The following LGALS9B variants were observed in gnomAD, a reference collection of about 807,000 sequenced individuals.
LGALS9B encodes galectin 9B, also known as galectin-9B.
A neutral mutation model predicts 35.9 loss-of-function variants in LGALS9B; 8 were observed. The observed-to-expected ratio is 0.22, with a 90% CI of 0.13 to 0.40. The LOEUF is 0.40. Ranked by LOEUF, LGALS9B falls within the 10% of genes least tolerant of loss-of-function variation. The pLI is 1.00. For synonymous variants in LGALS9B, 42 were observed against 148.6 expected (o/e 0.28, Z 5.22); for missense variants, 101 against 397.9 (o/e 0.25, Z 6.35).
At chr17:20,464,496 CT>C in intron 1 of LGALS9B, among the ~76,000 whole-genome samples, 1 of 152,246 alleles carries the variant, frequency 6.6e-6, no homozygotes, top group African/African-American at 2.4e-5. Flanking sequence ...AGATTCTCCC[CT>C]GGAGCCTCCG....
intron 2 of LGALS9B, 33 bp downstream of exon 2, chr17:20,460,315 AGGCT>A: frequency 1.9e-6 from 3 of 1,610,152 alleles, no homozygotes; most frequent in Non-Finnish European, 2.5e-6. Context: ...CTAAGGGACG[AGGCT>A]GGAGTGAAAC....
intron 10 of LGALS9B, among the ~76,000 whole-genome samples, chr17:20,450,778 T>G (rs2142407374): frequency 6.9e-6 from 1 of 145,828 alleles, no homozygotes; most frequent in East Asian, 2.0e-4. Context: ...TCAGGCATAT[T>G]TTAAAAATAC....
chr17:20,451,877 G>T lies in LGALS9B; in HGVS notation c.679C>A (p.Pro227Thr). 7.0e-7 allele frequency: 1 copy of T among 1,426,696 alleles called. No individual in the cohort carries two copies. Among genetic ancestry groups the T allele is most frequent in the South Asian group, 1.2e-5 (1 of 86,568 alleles). 88.4% of individuals were successfully genotyped at this position (1,426,696 alleles called of 1,614,324 possible). ...CCTCCCGGAATGGTGGTGATGAAAG[G>T]CATCGGCTGTCAGAAGGACGGGGAC... ...MMYPHPAYPM[P>T]FITTIPGGLY... The change falls in exon 9 of 11, where the codon CCT (proline) becomes ACT (threonine). Residue 227 changes from proline to threonine, a missense_variant. By Grantham distance (38) the Pro-to-Thr change is conservative (BLOSUM62 -1). Transcript: ENST00000423676.
intron 1 of LGALS9B, among the ~76,000 whole-genome samples, chr17:20,464,523 G>C (rs1482702586): frequency 6.6e-6 from 1 of 152,142 alleles, no homozygotes; most frequent in Non-Finnish European, 1.5e-5. Flanking sequence ...AAACAACCTT[G>C]CTCACACGAT....
At chr17:20,458,606 T>C (rs1682203) in intron 2 of LGALS9B, among the ~76,000 whole-genome samples, 43,688 of 145,506 alleles carry the variant, frequency 0.3, 7,642 homozygotes, top group Middle Eastern at 0.42. Flanking sequence ...TTTCTAAACA[T>C]AAGTAGAAAA....
intron 1 of LGALS9B, among the ~76,000 whole-genome samples, chr17:20,460,904 C>A (rs1218812456): frequency 6.7e-6 from 1 of 148,864 alleles, no homozygotes; most frequent in Non-Finnish European, 1.5e-5. Context: ...CCCAAGGGAA[C>A]AAAGGGACCC....
intron 1 of LGALS9B, among the ~76,000 whole-genome samples, chr17:20,466,042 C>A (rs1475509615): frequency 6.6e-6 from 1 of 151,684 alleles, no homozygotes; most frequent in African/African-American, 2.4e-5. Context: ...AAAGTAAAAA[C>A]CAGTTACCAG....
chr17:20,454,547 T>G lies in LGALS9B; in HGVS notation c.540+756A>C, dbSNP rs1309886169. ...TGGGCATAGGGAGATGGGGGTGGAG[T>G]GACAGGGACAGACACGCAAACAGTT... On this transcript the variant is annotated intron_variant, in intron 5 of 10. Transcript: ENST00000423676. Among the ~76,000 whole-genome samples the G allele has an allele frequency of 7.6e-5, 11 of 144,298 alleles. No homozygotes were observed. The East Asian group carries it at 2.3e-3, about 30-fold the overall frequency. The allele number at this position is 144,298 out of a possible 152,430, so 94.7% of individuals were successfully genotyped here.
At chr17:20,464,179 C>G (rs2042745824) in intron 1 of LGALS9B, among the ~76,000 whole-genome samples, 1 of 148,056 alleles carries the variant, frequency 6.8e-6, no homozygotes, top group African/African-American at 2.5e-5. Context: ...CTCACTGCAG[C>G]CTCCACTTCC....
At position 20,467,334 on chromosome 17, in the gene LGALS9B, CA is replaced by C. The variant is rs1256651881; in HGVS notation, c.39+97del. 12 of 1,114,642 alleles carry C rather than the reference CA, an allele frequency of 1.1e-5. No homozygotes were observed. The African/African-American group carries it at 1.5e-4, about 14-fold the overall frequency. The allele number at this position is 1,114,642 out of a possible 1,614,324, so 69.0% of individuals were successfully genotyped here. ...GCTTGTGTTCTCTTTGGGATGCCCC[CA>C]CCCCTGTCTCCTGCCACCCAGGAGT... On this transcript the variant is annotated intron_variant, in intron 1 of 10. Transcript: ENST00000423676.
chr17:20,456,096 T>A (rs1388251961), intron 4 of LGALS9B, among the ~76,000 whole-genome samples: 1 of 151,658 alleles, frequency 6.6e-6, no homozygotes, highest in Non-Finnish European at 1.5e-5. Flanking sequence ...CGCCATTGTG[T>A]GACCTCTGAT....
chr17:20,455,406 A>G lies in LGALS9B; in HGVS notation c.445-8T>C, dbSNP rs748006399. On this transcript the variant is annotated splice_region_variant and splice_polypyrimidine_tract_variant and intron_variant, in intron 4 of 10. Coordinates refer to ENST00000423676, the MANE Select transcript of LGALS9B (RefSeq NM_001367292.2). ...GGGGACTGTGCGGGGATTCTGTTAA[A>G]ACAAAAGGCACCGGCCGGTGAGGAG... 1.0e-5 allele frequency: 14 copies of G among 1,355,558 alleles called. 3 individuals are homozygous for G. The highest frequency in any genetic ancestry group is 3.9e-5 in the Admixed American group (2 of 51,468). 84.0% of individuals were successfully genotyped at this position (1,355,558 alleles called of 1,614,324 possible).
chr17:20,460,260 T>C, intron 2 of LGALS9B, 92 bp downstream of exon 2: 1 of 1,606,704 alleles, frequency 6.2e-7, no homozygotes, highest in South Asian at 1.1e-5. Context: ...TGAGCTTGGA[T>C]GTTGTTGTTT....
At position 20,458,264 on chromosome 17, in the gene LGALS9B, G is replaced by A. The variant is rs200802633; in HGVS notation, c.252C>T (p.Pro84=). 7.6e-4 allele frequency: 1,227 copies of A among 1,613,906 alleles called. 3 individuals are homozygous for A. Among genetic ancestry groups the A allele is most frequent in the Non-Finnish European group, 9.8e-4 (1,159 of 1,179,938 alleles). The change falls in exon 3 of 11, where the codon CCC becomes CCT. Residue 84 remains proline (P), a synonymous_variant. Transcript: ENST00000423676. ...CNTRQKGRWG[P]EERKMHMPFQ... ...AGGGCATGTGCATCTTCCTCTCCTC[G>A]GGCCCCCATCTTCCTTTCTGCCTCG...
Position 20,449,884 on chromosome 17 carries a change from T to C in LGALS9B, c.*89A>G. 1.2e-6 allele frequency: 1 copy of C among 817,912 alleles called. No individual in the cohort carries two copies. Among genetic ancestry groups the C allele is most frequent in the Non-Finnish European group, 1.9e-6 (1 of 530,544 alleles). 50.7% of individuals were successfully genotyped at this position (817,912 alleles called of 1,614,324 possible). A position where few individuals can be genotyped will look rare whatever the true frequency, so the allele number is the denominator to read the frequency against. On this transcript the variant is annotated 3_prime_UTR_variant, in exon 11 of 11. Coordinates refer to ENST00000423676, the MANE Select transcript of LGALS9B (RefSeq NM_001367292.2). ...ATTAAAGCCCAGATCCCAGGCACGG[T>C]TGGAAAGGCTGGGCCTGGGAAGTGG...
intron 1 of LGALS9B, among the ~76,000 whole-genome samples, chr17:20,466,104 G>C (rs1379221707): frequency 6.6e-6 from 1 of 152,052 alleles, no homozygotes; most frequent in Non-Finnish European, 1.5e-5. Flanking sequence ...CTCTCTGGCA[G>C]AAAACCAGAA....
intron 1 of LGALS9B, among the ~76,000 whole-genome samples, chr17:20,461,380 C>A (rs1460016236): frequency 1.1e-4 from 17 of 151,960 alleles, no homozygotes; most frequent in African/African-American, 4.1e-4. Context: ...ACAGAGGAGA[C>A]GCTTCACCAC....
rs1399177400 is a variant in LGALS9B, at chr17:20,464,105, T to G, written c.39+3327A>C. Among the ~76,000 whole-genome samples, 285 of 124,428 alleles carry G rather than the reference T, an allele frequency of 2.3e-3. 13 individuals carry two copies. The highest frequency in any genetic ancestry group is 3.5e-3 in the Non-Finnish European group (207 of 59,984). The allele number at this position is 124,428 out of a possible 152,430, so 81.6% of individuals were successfully genotyped here. On this transcript the variant is annotated intron_variant, in intron 1 of 10. Coordinates refer to ENST00000423676, the MANE Select transcript of LGALS9B (RefSeq NM_001367292.2). The stretch of plus-strand genomic sequence containing the variant: ...GTTTGTTTGTTGTGTTTTTTTTTTT[T>G]TTTTTTTTTTGAGACAGGATCTCAT...
At chr17:20,454,537 G>C (rs1349018473) in intron 5 of LGALS9B, among the ~76,000 whole-genome samples, 5 of 150,502 alleles carry the variant, frequency 3.3e-5, no homozygotes, top group Non-Finnish European at 6.0e-5. Context: ...ATAGGGAGAT[G>C]GGGGTGGAGT....
Sources: allele counts gnomAD v4.1 joint callset (sites outside exome capture counted in the v4.1 genomes callset), GRCh38; gene constraint gnomAD v4.1.1; transcripts MANE v1.5; gene names NCBI Gene and HGNC (gene_info 2026-07-23, HGNC 2026-07-21).